HOXB7: variants seen among roughly 807,000 people sequenced by gnomAD.
HOXB7 encodes homeobox protein Hox-B7.
HOXB7 carries 11 observed loss-of-function variants against 19.2 expected under a neutral mutation model. That is an observed-to-expected ratio of 0.57 (90% confidence interval 0.36 to 0.95). The LOEUF (loss-of-function observed/expected upper bound fraction) is 0.95. HOXB7 is among the 40% of genes least tolerant of loss of function. The probability of loss-of-function intolerance (pLI) is 0.01; values close to 1 mark genes in which losing one functional copy is unlikely to be tolerated. For synonymous variants in HOXB7, 141 were observed against 130.2 expected, an observed-to-expected ratio of 1.08 and a Z score of -0.56; for missense variants, 318 against 301.1, an observed-to-expected ratio of 1.06 and a Z score of -0.42.
Position 48,608,107 on chromosome 17 carries a change from A to T in HOXB7, c.401-12T>A, listed in dbSNP as rs201477004. On this transcript the variant is annotated splice_polypyrimidine_tract_variant and intron_variant, in intron 1 of 1. Coordinates refer to ENST00000239165, the MANE Select transcript of HOXB7 (RefSeq NM_004502.4). ...TTTGCGGTCAGTTCCTGCACACAGT[A>T]TTCAGAGGAAAATCAGTGAGTAAAG... 24 of 1,603,186 alleles carry T rather than the reference A, an allele frequency of 1.5e-5. No homozygotes were observed. Among genetic ancestry groups the T allele is most frequent in the Non-Finnish European group, 1.8e-5 (21 of 1,171,224 alleles).
intron 1 of HOXB7, among the ~76,000 whole-genome samples, chr17:48,609,180 T>G (rs1050254775): frequency 6.6e-6 from 1 of 152,186 alleles, no homozygotes; most frequent in Non-Finnish European, 1.5e-5. Context: ...GGATGGAACA[T>G]GGAGTATCTG....
At position 48,607,952 on chromosome 17, in the gene HOXB7, T is replaced by C. The variant is rs1170367362; in HGVS notation, c.544A>G (p.Lys182Glu). The C allele has an allele frequency of 6.2e-7, 1 of 1,614,186 alleles. No homozygotes were observed. Among genetic ancestry groups the C allele is most frequent in the Admixed American group, 1.7e-5 (1 of 60,034 alleles). The part of the protein sequence containing the change: ...HTLCLTERQI[K>E]IWFQNRRMKW... ...ATGCGCCGGTTCTGAAACCAAATCT[T>C]GATCTGTCTTTCCGTGAGGCAGAGC... The change falls in exon 2 of 2, where the codon AAG becomes GAG. Residue 182 changes from lysine to glutamate, a missense_variant. Physicochemically the swap from Lys to Glu is moderately conservative, Grantham distance 56. Coordinates refer to ENST00000239165, the MANE Select transcript of HOXB7 (RefSeq NM_004502.4).
chr17:48,608,612 A>G (rs1275522950), intron 1 of HOXB7, among the ~76,000 whole-genome samples: 2 of 152,144 alleles, frequency 1.3e-5, no homozygotes, highest in Non-Finnish European at 2.9e-5. Flanking sequence ...AACTTTCTAC[A>G]GGCTTCTCAA....
chr17:48,608,919 A>G (rs2070616679), intron 1 of HOXB7, among the ~76,000 whole-genome samples: 1 of 152,238 alleles, frequency 6.6e-6, no homozygotes, highest in African/African-American at 2.4e-5. Flanking sequence ...AGGGGCCTCA[A>G]AGGCCCAGTC....
At position 48,607,838 on chromosome 17, in the gene HOXB7, T is replaced by C. The variant is rs768755550; in HGVS notation, c.*4A>G. On this transcript the variant is annotated 3_prime_UTR_variant, in exon 2 of 2. Coordinates refer to ENST00000239165, the MANE Select transcript of HOXB7 (RefSeq NM_004502.4). ...TGTCTCTTCCTCTGCCCTTTCTCCA[T>C]CCCTCACTCTTCCTCTTCCTCCTCT... is the stretch of plus-strand genomic sequence containing the variant. 3.1e-6 allele frequency: 5 copies of C among 1,609,670 alleles called. No individual in the cohort carries two copies. The Admixed American group carries it at 8.3e-5, about 27-fold the overall frequency.
intron 1 of HOXB7, among the ~76,000 whole-genome samples, chr17:48,610,188 CG>C (rs1364391607): frequency 6.6e-6 from 1 of 152,190 alleles, no homozygotes; most frequent in Non-Finnish European, 1.5e-5. Context: ...GCAAGACAAA[CG>C]GCCTCGTCTC....
Position 48,607,899 on chromosome 17 carries a change from C to G in HOXB7, c.597G>C (p.Ala199=), listed in dbSNP as rs1227885687. 1 of 1,613,922 alleles carries G rather than the reference C, an allele frequency of 6.2e-7. No homozygotes were observed. Among genetic ancestry groups the G allele is most frequent in the East Asian group, 2.2e-5 (1 of 44,876 alleles). The change falls in exon 2 of 2, where the codon GCG becomes GCC. Residue 199 remains alanine, a synonymous_variant. Transcript: ENST00000239165. Reference sequence around the variant, plus strand: ...TGTCTTGGCCGGTGGTCCCCGGGCCCGCGGTCTTGTTCTCCTTTTTCCACT... The same window carrying G: ...TGTCTTGGCCGGTGGTCCCCGGGCCGGCGGTCTTGTTCTCCTTTTTCCACT... The part of the protein sequence containing the change: ...RMKWKKENKT[A]GPGTTGQDRA...
At chr17:48,608,625 C>G (rs1196733681) in intron 1 of HOXB7, among the ~76,000 whole-genome samples, 1 of 152,180 alleles carries the variant, frequency 6.6e-6, no homozygotes, top group Admixed American at 6.5e-5. Context: ...CTTCTCAAAG[C>G]AAACATTCCC....
chr17:48,607,720 T>G lies in HOXB7; in HGVS notation c.*122A>C. On this transcript the variant is annotated 3_prime_UTR_variant, in exon 2 of 2. Coordinates refer to ENST00000239165, the MANE Select transcript of HOXB7 (RefSeq NM_004502.4). ...TAAATAGGGTTTTTTTTTTGTTTTT[T>G]TTGTTTTTTGTTTTGTTTTTTTACT... is the stretch of plus-strand genomic sequence containing the variant. The G allele has an allele frequency of 1.3e-6, 1 of 753,922 alleles. No individual in the cohort carries two copies. Among genetic ancestry groups the G allele is most frequent in the South Asian group, 2.9e-5 (1 of 33,954 alleles). The allele number at this position is 753,922 out of a possible 1,614,324, so 46.7% of individuals were successfully genotyped here.
At position 48,607,761 on chromosome 17, in the gene HOXB7, A is replaced by T; in HGVS notation, c.*81T>A. ...TTTTTTTACTTCCCTATTCGATTTG[A>T]GTTTCCTGATTCAGTTCCCAGAGCT... On this transcript the variant is annotated 3_prime_UTR_variant, in exon 2 of 2. Coordinates refer to ENST00000239165, the MANE Select transcript of HOXB7 (RefSeq NM_004502.4). The T allele has an allele frequency of 1.9e-6, 2 of 1,038,582 alleles. No individual in the cohort carries two copies. The highest frequency in any genetic ancestry group is 2.1e-5 in the South Asian group (1 of 47,104). 64.3% of individuals were successfully genotyped at this position (1,038,582 alleles called of 1,614,324 possible).
At chr17:48,608,495 T>C (rs1224049823) in intron 1 of HOXB7, among the ~76,000 whole-genome samples, 4 of 150,832 alleles carry the variant, frequency 2.7e-5, no homozygotes, top group African/African-American at 9.8e-5. Context: ...GTGTATGTGA[T>C]TTGAAGTCAA....
In HOXB7 at chr17:48,610,732, C is replaced by G. The variant is rs938327408; in HGVS notation, c.187G>C (p.Gly63Arg). 16 of 1,600,008 alleles carry G rather than the reference C, an allele frequency of 1.0e-5. No individual in the cohort carries two copies. In the South Asian group the frequency reaches 1.1e-4, roughly 11 times the overall value. The change falls in exon 1 of 2, where the codon GGG becomes CGG. Residue 63 changes from glycine to arginine, a missense_variant. Physicochemically the swap from Gly to Arg is moderately radical, Grantham distance 125 (BLOSUM62 -2). Transcript: ENST00000239165. ...ASMQGLYPGGGGMAGQSAAGV... is the reference protein window; with the variant it reads ...ASMQGLYPGGRGMAGQSAAGV... ...GCCGCGCTCTGGCCCGCCATGCCCC[C>G]CCCGCCGGGGTACAAGCCCTGCATC...
In HOXB7 at chr17:48,610,735, C is replaced by G. The variant is rs777408517; in HGVS notation, c.184G>C (p.Gly62Arg). 9 of 1,600,568 alleles carry G rather than the reference C, an allele frequency of 5.6e-6. No individual in the cohort carries two copies. The highest frequency in any genetic ancestry group is 3.4e-5 in the Admixed American group (2 of 58,384). The change falls in exon 1 of 2, where the codon GGG (glycine) becomes CGG (arginine). Residue 62 changes from glycine (G) to arginine (R), a missense_variant. Physicochemically the swap from Gly to Arg is moderately radical, Grantham distance 125. Coordinates refer to ENST00000239165, the MANE Select transcript of HOXB7 (RefSeq NM_004502.4). ...GCGCTCTGGCCCGCCATGCCCCCCCCGCCGGGGTACAAGCCCTGCATCGAG... is the reference window on the plus strand; with the variant it reads ...GCGCTCTGGCCCGCCATGCCCCCCCGGCCGGGGTACAAGCCCTGCATCGAG... ...AASMQGLYPG[G>R]GGMAGQSAAG...
At chr17:48,610,435 G>A (rs1193809911) in intron 1 of HOXB7, 84 bp downstream of exon 1, 1 of 1,316,750 alleles carries the variant, frequency 7.6e-7, no homozygotes. Flanking sequence ...GACGCGGAAA[G>A]GGGCGCCCAG....
At position 48,608,114 on chromosome 17, in the gene HOXB7, G is replaced by T; in HGVS notation, c.401-19C>A. 6.2e-7 allele frequency: 1 copy of T among 1,600,396 alleles called. No individual in the cohort carries two copies. The highest frequency in any genetic ancestry group is 8.6e-7 in the Non-Finnish European group (1 of 1,168,970). ...TCAGTTCCTGCACACAGTATTCAGA[G>T]GAAAATCAGTGAGTAAAGAAAACGC... On this transcript the variant is annotated intron_variant, in intron 1 of 1. Transcript: ENST00000239165.
chr17:48,608,185 A>C, intron 1 of HOXB7, 90 bp from the exon 2 acceptor site: 2 of 1,494,790 alleles, frequency 1.3e-6, no homozygotes, highest in Non-Finnish European at 1.8e-6. Context: ...GCACTTTGGG[A>C]GACCGAGGCG....
intron 1 of HOXB7, among the ~76,000 whole-genome samples, chr17:48,609,082 C>T (rs1362553447): frequency 6.6e-6 from 1 of 152,234 alleles, no homozygotes; most frequent in Non-Finnish European, 1.5e-5. Context: ...TCCTGCTTGC[C>T]TGCTTGCCTA....
In HOXB7 at chr17:48,608,229, C is replaced by G. The variant is rs2070608310; in HGVS notation, c.401-134G>C. ...ACGAGGTCAGGAGATCGAGACCAAC[C>G]TGGCTAACACAGTGAAACCCCGTCT... On this transcript the variant is annotated intron_variant, in intron 1 of 1. Coordinates refer to ENST00000239165, the MANE Select transcript of HOXB7 (RefSeq NM_004502.4). The G allele has an allele frequency of 9.7e-6, 11 of 1,131,466 alleles. No individual in the cohort carries two copies. The South Asian group carries it at 1.5e-4, about 16-fold the overall frequency. The allele number at this position is 1,131,466 out of a possible 1,614,324, so 70.1% of individuals were successfully genotyped here.
intron 1 of HOXB7, chr17:48,608,337 T>G (rs551277185): frequency 4.3e-6 from 1 of 233,082 alleles, no homozygotes; most frequent in East Asian, 9.5e-5. Flanking sequence ...GGCAGAAGAA[T>G]GGCGTGAACC....
Sources: gnomAD v4.1 joint callset for allele counts (sites outside exome capture counted in the v4.1 genomes callset) on GRCh38, gnomAD v4.1.1 for gene constraint, MANE v1.5 for transcripts, NCBI Gene and HGNC (gene_info 2026-07-23, HGNC 2026-07-21) for gene names.